The following REDIC1 variants were observed in gnomAD, a reference collection of about 807,000 sequenced individuals.
The protein encoded by REDIC1 is regulator of DNA class I crossover intermediates 1.
chr12:39,709,512 TC>T, the REDIC1 span, among the ~76,000 whole-genome samples: 2 of 140,302 alleles, frequency 1.4e-5, no homozygotes, highest in Admixed American at 7.4e-5. Context: ...TACTTGCCCC[TC>T]CCCCCAGCCC....
At chr12:39,716,528 C>A in the REDIC1 span, among the ~76,000 whole-genome samples, 1 of 151,962 alleles carries the variant, frequency 6.6e-6, no homozygotes, top group East Asian at 1.9e-4. Context: ...GTTATATACC[C>A]TTATTTCATT....
the REDIC1 span, among the ~76,000 whole-genome samples, chr12:39,737,806 AC>A: frequency 6.6e-6 from 1 of 152,148 alleles, no homozygotes; most frequent in East Asian, 1.9e-4. Context: ...CTTTGCCTAC[AC>A]CATGTATTTT....
the REDIC1 span, chr12:39,641,101 C>T: frequency 2.4e-6 from 2 of 843,306 alleles, no homozygotes; most frequent in East Asian, 2.6e-5. Context: ...GGCCATCTTC[C>T]TTTGGTCTTC....
At chr12:39,810,322 T>C in the REDIC1 span, among the ~76,000 whole-genome samples, 1 of 152,332 alleles carries the variant, frequency 6.6e-6, no homozygotes. Context: ...AAATATTTCA[T>C]TTGCCAATTG....
At chr12:39,852,177 T>C in the REDIC1 span, among the ~76,000 whole-genome samples, 16 of 152,176 alleles carry the variant, frequency 1.1e-4, no homozygotes, top group African/African-American at 3.9e-4. Flanking sequence ...AATAACAGCA[T>C]CTTGATCAGA....
the REDIC1 span, among the ~76,000 whole-genome samples, chr12:39,844,734 A>C: frequency 6.6e-6 from 1 of 152,110 alleles, no homozygotes; most frequent in Non-Finnish European, 1.5e-5. Flanking sequence ...TACTCAACTC[A>C]GTCTGAGCTT....
the REDIC1 span, chr12:39,684,068 C>T: frequency 1.2e-6 from 1 of 817,384 alleles, no homozygotes; most frequent in Non-Finnish European, 1.5e-6. Context: ...TCTCCTCTAC[C>T]CATACATTGA....
At chr12:39,695,388 G>A in the REDIC1 span, among the ~76,000 whole-genome samples, 4 of 152,170 alleles carry the variant, frequency 2.6e-5, no homozygotes, top group South Asian at 2.1e-4. Flanking sequence ...AGAGTGACTC[G>A]CAGCCTAGGC....
chr12:39,669,477 C>A, the REDIC1 span, among the ~76,000 whole-genome samples: 2 of 152,300 alleles, frequency 1.3e-5, no homozygotes, highest in African/African-American at 2.4e-5. Flanking sequence ...GGGGGTGCAT[C>A]CCAGTTAGGC....
At chr12:39,760,973 C>CACACACACACACACACACACAT in the REDIC1 span, among the ~76,000 whole-genome samples, 5 of 151,216 alleles carry the variant, frequency 3.3e-5, no homozygotes, top group African/African-American at 1.2e-4. Context: ...CACACACACA[C>CACACACACACACACACACACAT]ATAATTGAAT....
At chr12:39,716,858 CTTA>C in the REDIC1 span, 1 of 1,499,284 alleles carries the variant, frequency 6.7e-7, no homozygotes, top group Non-Finnish European at 9.1e-7. Flanking sequence ...GCTTGTTTCA[CTTA>C]TTAATACATG....
the REDIC1 span, among the ~76,000 whole-genome samples, chr12:39,666,082 G>A: frequency 2.0e-5 from 3 of 152,064 alleles, no homozygotes; most frequent in African/African-American, 7.2e-5. Flanking sequence ...AATTGCCCTG[G>A]CCAGAACTTC....
At chr12:39,783,185 A>G in the REDIC1 span, among the ~76,000 whole-genome samples, 2 of 152,166 alleles carry the variant, frequency 1.3e-5, no homozygotes, top group Non-Finnish European at 2.9e-5. Context: ...CCATGTCCCT[A>G]CGAAGGACAT....
At chr12:39,899,729 T>A in the REDIC1 span, among the ~76,000 whole-genome samples, 1 of 152,220 alleles carries the variant, frequency 6.6e-6, no homozygotes, top group African/African-American at 2.4e-5. Context: ...TGCCTTCATT[T>A]ATTTATGTAC....
chr12:39,758,316 G>C, the REDIC1 span: 1 of 151,842 alleles, frequency 6.6e-6, no homozygotes, highest in African/African-American at 2.4e-5. Flanking sequence ...TTCCTCAGCT[G>C]TATTCTCAGC....
chr12:39,793,011 ATCTT>A, the REDIC1 span, among the ~76,000 whole-genome samples: 1 of 152,172 alleles, frequency 6.6e-6, no homozygotes, highest in South Asian at 2.1e-4. Context: ...GGTTAACAAA[ATCTT>A]TCACATTCCT....
chr12:39,677,033 A>T, the REDIC1 span, among the ~76,000 whole-genome samples: 1 of 151,920 alleles, frequency 6.6e-6, no homozygotes, highest in Admixed American at 6.6e-5. Flanking sequence ...CAATGAAAAA[A>T]AAAAAAACAC....
chr12:39,878,186 T>C, the REDIC1 span, among the ~76,000 whole-genome samples: 2 of 152,196 alleles, frequency 1.3e-5, no homozygotes, highest in Non-Finnish European at 2.9e-5. Context: ...AGGTATTTAT[T>C]TATAGCAATG....
the REDIC1 span, among the ~76,000 whole-genome samples, chr12:39,661,782 T>C: frequency 6.6e-6 from 1 of 152,168 alleles, no homozygotes; most frequent in South Asian, 2.1e-4. Flanking sequence ...TTTTATTGTT[T>C]CAAGCTATAC....
Sources: allele counts gnomAD v4.1 joint callset (sites outside exome capture counted in the v4.1 genomes callset), GRCh38; gene constraint gnomAD v4.1.1; transcripts MANE v1.5; gene names NCBI Gene and HGNC (gene_info 2026-07-23, HGNC 2026-07-21).